ACTN1: variants seen among roughly 807,000 people sequenced by gnomAD.
ACTN1 encodes actinin alpha 1.
ACTN1 carries 30 observed loss-of-function variants against 119.6 expected under a neutral mutation model. The observed-to-expected ratio is 0.25, with a 90% CI of 0.19 to 0.34. The LOEUF is 0.34. Ranked by LOEUF, ACTN1 falls within the 10% of genes least tolerant of loss-of-function variation. The pLI, the probability that ACTN1 is intolerant of heterozygous loss-of-function variation, is 1.00. For missense variants in ACTN1, 764 were observed against 1,223.4 expected (o/e 0.62, Z 5.60); for synonymous variants, 429 against 472.6 (o/e 0.91, Z 1.20).
In ACTN1 at chr14:68,955,850, G is replaced by A. The variant is rs868667851; in HGVS notation, c.105+23102C>T. ...ACAACCAGGAAAGCAATAACAGATT[G>A]CCTTTCCTTTCTTCACTTTTGCTCT... On this transcript the variant is annotated intron_variant, in intron 1 of 21. Coordinates refer to ENST00000394419, the MANE Select transcript of ACTN1 (RefSeq NM_001130004.2). 5.3e-5 allele frequency among the ~76,000 whole-genome samples: 8 copies of A among 152,256 alleles called. No homozygotes were observed. In the South Asian group the frequency reaches 1.7e-3, roughly 32 times the overall value.
At position 68,877,169 on chromosome 14, in the gene ACTN1, G is replaced by T. The variant is rs1454603849; in HGVS notation, c.2499C>A (p.Ala833=). ...TCTCGCGGGACATGAAGTCAATGAA[G>T]GCCTGGAATGTCACTACCCCCAGGC... The part of the protein sequence containing the change: ...PNRLGVVTFQ[A]FIDFMSRETA... The change falls in exon 21 of 22, where the codon GCC becomes GCA. Residue 833 remains alanine, a synonymous_variant. Coordinates refer to ENST00000394419, the MANE Select transcript of ACTN1 (RefSeq NM_001130004.2). The T allele has an allele frequency of 6.2e-7, 1 of 1,614,076 alleles. No individual in the cohort carries two copies. The highest frequency in any genetic ancestry group is 1.3e-5 in the African/African-American group (1 of 74,928).
rs2034277771 is a variant in ACTN1 at position 68,916,096 on chromosome 14, G to A, written c.341-3854C>T. 2.0e-5 allele frequency among the ~76,000 whole-genome samples: 3 copies of A among 152,232 alleles called. No homozygotes were observed. The South Asian group carries it at 6.2e-4, about 31-fold the overall frequency. ...AACTTAGAAAAATTTTTTAGCATGG[G>A]AAGTGGGAAAAGCAGGTAAAAAATT... On this transcript the variant is annotated intron_variant, in intron 3 of 21. Transcript: ENST00000394419.
intron 2 of ACTN1, 133 bp from the exon 3 acceptor site, chr14:68,921,258 T>C (rs905480141): frequency 8.5e-5 from 95 of 1,118,732 alleles, no homozygotes; most frequent in Non-Finnish European, 2.0e-5. Context: ...CGTGTGTGTG[T>C]GCTCACACGC....
chr14:68,893,801 C>T (rs1293447089), intron 8 of ACTN1, 54 bp from the exon 9 acceptor site: 1 of 1,551,374 alleles, frequency 6.4e-7, no homozygotes, highest in Non-Finnish European at 8.9e-7. Flanking sequence ...GCAGGGGCAC[C>T]TGGTACACAC....
At chr14:68,915,245 C>T (rs1411416823) in intron 3 of ACTN1, among the ~76,000 whole-genome samples, 2 of 151,776 alleles carry the variant, frequency 1.3e-5, no homozygotes, top group Non-Finnish European at 2.9e-5. Flanking sequence ...GTTCCCCCTC[C>T]TCCCCCTGCT....
At chr14:68,947,455 GAAGA>G (rs985226261) in intron 1 of ACTN1, 3 of 152,218 alleles carry the variant, frequency 2.0e-5, no homozygotes, top group African/African-American at 7.2e-5. Context: ...TTTTACAGAG[GAAGA>G]AACTGAGGCT....
chr14:68,960,231 T>C (rs1246380135), intron 1 of ACTN1, among the ~76,000 whole-genome samples: 1 of 152,066 alleles, frequency 6.6e-6, no homozygotes, highest in Non-Finnish European at 1.5e-5. Context: ...TCGGTATAAC[T>C]TTTATGAAAA....
rs192640536 is a variant in ACTN1, at chr14:68,874,876, C to T, written c.2728G>A (p.Gly910Ser). 18 of 1,588,786 alleles carry T rather than the reference C, an allele frequency of 1.1e-5. No individual in the cohort carries two copies. The highest frequency in any genetic ancestry group is 1.4e-5 in the Non-Finnish European group (16 of 1,160,966). The change falls in exon 22 of 22, where the codon GGC becomes AGC. Residue 910 changes from glycine to serine, a missense_variant. Gly to Ser is a moderately conservative substitution (Grantham distance 56). Transcript: ENST00000394419. ...DYMSFSTALY[G>S]ESDL Reference sequence around the variant, plus strand: ...GGGGTGGATTAGAGGTCACTCTCGCCGTACAGCGCCGTGGAGAAGGACATG... The same window carrying T: ...GGGGTGGATTAGAGGTCACTCTCGCTGTACAGCGCCGTGGAGAAGGACATG...
intron 1 of ACTN1, among the ~76,000 whole-genome samples, chr14:68,966,598 CCCCACTCCCAAATGCCACTCCCAAAGT>C (rs1365797450): frequency 7.0e-6 from 1 of 143,152 alleles, no homozygotes. Context: ...TCACACCTAT[CCCCACTCCCAAATGCCACTCCCAAAGT>C]CCCAACAGAA....
intron 8 of ACTN1, 55 bp downstream of exon 8, chr14:68,902,422 T>C (rs374955479): frequency 8.0e-5 from 117 of 1,466,854 alleles, no homozygotes; most frequent in Non-Finnish European, 1.1e-4. Flanking sequence ...AGGACATGGT[T>C]TGGGGTCCAG....
At chr14:68,914,887 A>T (rs1473312017) in intron 3 of ACTN1, among the ~76,000 whole-genome samples, 1 of 152,200 alleles carries the variant, frequency 6.6e-6, no homozygotes, top group Non-Finnish European at 1.5e-5. Context: ...CAATAATAAT[A>T]ATTTCTGGGA....
chr14:68,951,738 T>C (rs2036177527), intron 1 of ACTN1, among the ~76,000 whole-genome samples: 1 of 152,174 alleles, frequency 6.6e-6, no homozygotes, highest in South Asian at 2.1e-4. Context: ...GCTTTGGGTG[T>C]GGAGACTCGT....
At chr14:68,887,109 G>A (rs1271199315) in intron 11 of ACTN1, 1 of 171,310 alleles carries the variant, frequency 5.8e-6, no homozygotes, top group Non-Finnish European at 1.3e-5. Flanking sequence ...AGTTATTCCA[G>A]TGACTTTCCA....
intron 1 of ACTN1, among the ~76,000 whole-genome samples, chr14:68,944,294 G>C (rs1265534489): frequency 6.6e-6 from 1 of 152,254 alleles, no homozygotes; most frequent in Non-Finnish European, 1.5e-5. Flanking sequence ...GTGTGCCAGA[G>C]TGTGGGCAAC....
In ACTN1 at chr14:68,880,998, C is replaced by A. The variant is rs1304701410; in HGVS notation, c.1954-9G>T. Reference sequence around the variant, plus strand: ...GAGATCCTCCCGATCTCCTGCTCACCGGGAAGGAAGCACCTTGTCAGACCA... The same window carrying A: ...GAGATCCTCCCGATCTCCTGCTCACAGGGAAGGAAGCACCTTGTCAGACCA... On this transcript the variant is annotated splice_polypyrimidine_tract_variant and intron_variant, in intron 16 of 21. Transcript: ENST00000394419. The surrounding 1 kb of genome is among the most constrained non-coding windows in gnomAD (Gnocchi z 4.6). The A allele has an allele frequency of 6.2e-7, 1 of 1,613,534 alleles. No individual in the cohort carries two copies. Among genetic ancestry groups the A allele is most frequent in the Non-Finnish European group, 8.5e-7 (1 of 1,179,728 alleles).
intron 1 of ACTN1, among the ~76,000 whole-genome samples, chr14:68,928,016 T>G (rs916522919): frequency 6.6e-6 from 1 of 152,060 alleles, no homozygotes; most frequent in Non-Finnish European, 1.5e-5. Context: ...TCTATTTCCT[T>G]GAGGGGAACT....
chr14:68,904,372 C>A (rs192339040), intron 7 of ACTN1, among the ~76,000 whole-genome samples: 11 of 152,304 alleles, frequency 7.2e-5, no homozygotes, highest in Non-Finnish European at 1.6e-4. Flanking sequence ...CACCCCAGCA[C>A]CCGCTATCCT....
Position 68,880,385 on chromosome 14 carries a change from T to C in ACTN1, c.2134-277A>G, listed in dbSNP as rs1189714463. The stretch of plus-strand genomic sequence containing the variant: ...GTCAGGTCAGGAAGGAGGGCAGATT[T>C]GGGGGTAGGAAAGATTGAGACAAAA... On this transcript the variant is annotated intron_variant, in intron 17 of 21. Coordinates refer to ENST00000394419, the MANE Select transcript of ACTN1 (RefSeq NM_001130004.2). The surrounding 1 kb of genome is among the most constrained non-coding windows in gnomAD (Gnocchi z 4.6). 2.0e-5 allele frequency among the ~76,000 whole-genome samples: 3 copies of C among 152,076 alleles called. No homozygotes were observed. The highest frequency in any genetic ancestry group is 7.2e-5 in the African/African-American group (3 of 41,386).
chr14:68,955,338 A>G (rs926432025), intron 1 of ACTN1, among the ~76,000 whole-genome samples: 2 of 152,180 alleles, frequency 1.3e-5, no homozygotes, highest in Non-Finnish European at 2.9e-5. Context: ...AACTGCTGGC[A>G]GACCCCCAGG....
Sources: gnomAD v4.1 joint callset for allele counts (sites outside exome capture counted in the v4.1 genomes callset) on GRCh38, gnomAD v4.1.1 for gene constraint, Gnocchi (gnomAD v3.1) non-coding constraint, MANE v1.5 for transcripts, NCBI Gene and HGNC (gene_info 2026-07-23, HGNC 2026-07-21) for gene names.